CEP128: variants seen among roughly 807,000 people sequenced by gnomAD.
CEP128 encodes centrosomal protein 128kDa.
CEP128 carries 132 observed loss-of-function variants against 156.7 expected under a neutral mutation model. The observed-to-expected ratio is 0.84, with a 90% CI of 0.73 to 0.97. CEP128 has a LOEUF of 0.97. Among genes scored for constraint, CEP128 ranks in the 50% least tolerant of loss-of-function variants. CEP128 has a pLI of 0.00. For synonymous variants in CEP128, 469 were observed against 448.9 expected (o/e 1.04, Z -0.57); for missense variants, 1,252 against 1,281.9 (o/e 0.98, Z 0.36).
chr14:80,740,549 GAC>G (rs1405077389), intron 19 of CEP128, among the ~76,000 whole-genome samples: 4 of 129,000 alleles, frequency 3.1e-5, no homozygotes, highest in Non-Finnish European at 7.1e-5. Context: ...TAGATAGACA[GAC>G]AGATAGATAG....
intron 19 of CEP128, among the ~76,000 whole-genome samples, chr14:80,647,812 G>A (rs1399637369): frequency 6.6e-6 from 1 of 152,064 alleles, no homozygotes; most frequent in Admixed American, 6.6e-5. Context: ...TAGGTTAGTT[G>A]ATATTCACTG....
intron 19 of CEP128, among the ~76,000 whole-genome samples, chr14:80,624,688 T>C (rs1355744803): frequency 6.6e-6 from 1 of 152,160 alleles, no homozygotes; most frequent in Non-Finnish European, 1.5e-5. Flanking sequence ...TGTTGAGCAT[T>C]TTTTCATGTA....
At chr14:80,821,596 CACAT>C (rs1173699820) in intron 13 of CEP128, among the ~76,000 whole-genome samples, 6 of 57,182 alleles carry the variant, frequency 1.0e-4, no homozygotes, top group Non-Finnish European at 1.4e-4. Context: ...CACACATACA[CACAT>C]ACACACACAC....
At chr14:80,854,975 A>T (rs1399961337) in intron 9 of CEP128, among the ~76,000 whole-genome samples, 6 of 152,222 alleles carry the variant, frequency 3.9e-5, no homozygotes, top group African/African-American at 1.4e-4. Context: ...AGAAAAAAAA[A>T]TGCCATCTTT....
chr14:80,494,849 A>C (rs1269889274), downstream of CEP128, among the ~76,000 whole-genome samples: 2 of 152,176 alleles, frequency 1.3e-5, no homozygotes, highest in Admixed American at 6.6e-5. Context: ...AAGAAAAGTT[A>C]GTGGTTCTGG....
chr14:80,789,193 A>C (rs186805405), intron 14 of CEP128, among the ~76,000 whole-genome samples: 2 of 152,312 alleles, frequency 1.3e-5, no homozygotes, highest in Admixed American at 1.3e-4. Context: ...GTAGCTTTCA[A>C]TGAAGTCCAA....
Position 80,905,969 on chromosome 14 carries a change from C to A in CEP128, c.347G>T (p.Gly116Val). The change falls in exon 5 of 25, where the codon GGT becomes GTT. Residue 116 changes from glycine (G) to valine (V), a missense_variant. Gly to Val is a moderately radical substitution (Grantham distance 109). Coordinates refer to ENST00000555265, the MANE Select transcript of CEP128 (RefSeq NM_152446.5). ...VTSLSASDLD[G>V]GTGSELHHFP... Reference sequence around the variant, plus strand: ...GAAGTGTTTACCTGACCCAGTGCCACCATCAAGGTCACTTGCACTCAAACT... The same window carrying A: ...GAAGTGTTTACCTGACCCAGTGCCAACATCAAGGTCACTTGCACTCAAACT... 6.2e-7 allele frequency: 1 copy of A among 1,612,536 alleles called. No homozygotes were observed. Among genetic ancestry groups the A allele is most frequent in the Non-Finnish European group, 8.5e-7 (1 of 1,179,430 alleles).
intron 23 of CEP128, among the ~76,000 whole-genome samples, chr14:80,509,174 A>C (rs992119315): frequency 1.3e-5 from 2 of 152,144 alleles, no homozygotes; most frequent in Non-Finnish European, 2.9e-5. Flanking sequence ...TGAGATACCT[A>C]GCTGGATCAT....
At chr14:80,848,077 T>C (rs1360235039) in intron 9 of CEP128, among the ~76,000 whole-genome samples, 3 of 152,174 alleles carry the variant, frequency 2.0e-5, no homozygotes, top group African/African-American at 7.2e-5. Context: ...AAGCCTGCAT[T>C]CTGCTCAAGG....
intron 6 of CEP128, among the ~76,000 whole-genome samples, chr14:80,904,305 T>C (rs12147744): frequency 0.12 from 18,542 of 151,672 alleles, 1,595 homozygotes; most frequent in East Asian, 0.45. Context: ...CATAGAAAGA[T>C]AGAGTAGAAT....
upstream of CEP128, among the ~76,000 whole-genome samples, chr14:80,942,576 C>T (rs1381858211): frequency 6.6e-6 from 1 of 152,164 alleles, no homozygotes; most frequent in Non-Finnish European, 1.5e-5. Flanking sequence ...ATTACCTGAT[C>T]TGTGAAAGCT....
Position 80,840,758 on chromosome 14 carries a change from T to A in CEP128, c.773A>T (p.Lys258Ile). 6.2e-7 allele frequency: 1 copy of A among 1,607,872 alleles called. No individual in the cohort carries two copies. The highest frequency in any genetic ancestry group is 1.1e-5 in the South Asian group (1 of 90,452). ...MSLQLQEALK[K>I]QEAKADEHEG... Reference sequence around the variant, plus strand: ...ATGCTCATCTGCTTTAGCTTCTTGTTTCTTTAGTGCCTGGAATGAAAGAGG... The same window carrying A: ...ATGCTCATCTGCTTTAGCTTCTTGTATCTTTAGTGCCTGGAATGAAAGAGG... The change falls in exon 10 of 25, where the codon AAA becomes ATA. Residue 258 changes from lysine (K) to isoleucine (I), a missense_variant. Transcript: ENST00000555265.
At chr14:80,862,123 T>C (rs1887542063) in intron 9 of CEP128, among the ~76,000 whole-genome samples, 1 of 152,218 alleles carries the variant, frequency 6.6e-6, no homozygotes, top group Non-Finnish European at 1.5e-5. Context: ...TTAAATTGGT[T>C]TGATAATAAC....
At chr14:80,537,173 AT>A (rs377665352) in intron 21 of CEP128, among the ~76,000 whole-genome samples, 4 of 151,444 alleles carry the variant, frequency 2.6e-5, no homozygotes, top group African/African-American at 4.8e-5. Flanking sequence ...TATTCACAGT[AT>A]TTTTTTTTAA....
At chr14:80,837,118 T>C (rs553556302) in intron 11 of CEP128, among the ~76,000 whole-genome samples, 1 of 152,364 alleles carries the variant, frequency 6.6e-6, no homozygotes, top group East Asian at 1.9e-4. Context: ...TCAAAGGTTT[T>C]GTAAAACAGG....
chr14:80,716,595 T>C (rs1398806839), intron 19 of CEP128, among the ~76,000 whole-genome samples: 2 of 152,230 alleles, frequency 1.3e-5, no homozygotes, highest in Non-Finnish European at 2.9e-5. Flanking sequence ...TTCTTAGTGC[T>C]AAATAATAGT....
chr14:80,944,796 T>C (rs569890110), upstream of CEP128, among the ~76,000 whole-genome samples: 1 of 113,174 alleles, frequency 8.8e-6, no homozygotes, highest in South Asian at 3.0e-4. Flanking sequence ...CACTGCAGCC[T>C]GGGCGACAGA....
chr14:80,583,447 A>G (rs1595043669), intron 19 of CEP128, among the ~76,000 whole-genome samples: 4 of 152,264 alleles, frequency 2.6e-5, no homozygotes, highest in Admixed American at 2.6e-4. Context: ...CTGCAGAAGC[A>G]GGTCATGGCC....
intron 15 of CEP128, among the ~76,000 whole-genome samples, chr14:80,781,111 G>A (rs1901082080): frequency 6.6e-6 from 1 of 152,230 alleles, no homozygotes; most frequent in Non-Finnish European, 1.5e-5. Flanking sequence ...AGAATGAGCA[G>A]TCAAAAGTAT....
Sources: allele counts gnomAD v4.1 joint callset (sites outside exome capture counted in the v4.1 genomes callset), GRCh38; gene constraint gnomAD v4.1.1; transcripts MANE v1.5; gene names NCBI Gene and HGNC (gene_info 2026-07-23, HGNC 2026-07-21).